Variants in SNX29 observed in about 807,000 individuals in gnomAD.
SNX29 encodes the protein sorting nexin-29.
Under a neutral mutation model 102.1 loss-of-function variants are expected in SNX29, and 78 were observed. The ratio of observed to expected loss-of-function variants is 0.76; its 90% CI spans 0.64 to 0.92. SNX29 has a LOEUF of 0.92. SNX29 is among the 40% of genes least tolerant of loss of function. SNX29 has a pLI of 0.00. For missense variants in SNX29, 1,280 were observed against 1,061.7 expected (o/e 1.21, Z -2.86); for synonymous variants, 580 against 414.5 (o/e 1.40, Z -4.85).
intron 19 of SNX29, among the ~76,000 whole-genome samples, chr16:12,511,731 T>G (rs1176001777): frequency 6.6e-6 from 1 of 151,474 alleles, no homozygotes; most frequent in Admixed American, 6.6e-5. Context: ...GGTATTCCTC[T>G]CTTGAGCTGC....
intron 15 of SNX29, among the ~76,000 whole-genome samples, chr16:12,341,502 C>A (rs554183906): frequency 6.6e-6 from 1 of 152,228 alleles, no homozygotes; most frequent in Non-Finnish European, 1.5e-5. Context: ...AACAAATGAT[C>A]CTCAATCTCG....
chr16:12,243,720 G>C (rs1424196172), intron 14 of SNX29, among the ~76,000 whole-genome samples: 1 of 152,196 alleles, frequency 6.6e-6, no homozygotes, highest in Non-Finnish European at 1.5e-5. Context: ...CTGGATTGCA[G>C]GCCTGGTTCT....
chr16:12,013,221 C>T (rs1440859313), intron 3 of SNX29, among the ~76,000 whole-genome samples: 1 of 151,542 alleles, frequency 6.6e-6, no homozygotes, highest in Non-Finnish European at 1.5e-5. Context: ...GCCAAATAGC[C>T]AGCAAACATA....
chr16:12,389,903 C>T (rs1052436578), intron 16 of SNX29, among the ~76,000 whole-genome samples: 7 of 152,178 alleles, frequency 4.6e-5, no homozygotes, highest in African/African-American at 1.7e-4. Flanking sequence ...ACCTTGTTTC[C>T]CTCATCTGAA....
chr16:12,548,527 G>A (rs563093759), intron 20 of SNX29, among the ~76,000 whole-genome samples: 7 of 152,338 alleles, frequency 4.6e-5, no homozygotes, highest in South Asian at 2.1e-4. Flanking sequence ...CTTTGAGGGT[G>A]CAGCCTTCTG....
In SNX29 at chr16:12,534,796, T is replaced by C. The variant is rs192517322; in HGVS notation, c.2318+9955T>C. 5.9e-5 allele frequency among the ~76,000 whole-genome samples: 9 copies of C among 152,254 alleles called. No individual in the cohort carries two copies. The South Asian group carries it at 8.3e-4, about 14-fold the overall frequency. ...CCCTCTGGTTTTTAACTAAGGGCAA[T>C]TTTGCCTTACTCCCCAGTTCCAGGC... On this transcript the variant is annotated intron_variant, in intron 20 of 20. Coordinates refer to ENST00000566228, the MANE Select transcript of SNX29 (RefSeq NM_032167.5).
Position 12,550,694 on chromosome 16 carries a change from C to CA in SNX29, c.2319-17811dup, listed in dbSNP as rs563919479. Among the ~76,000 whole-genome samples, 41 of 152,222 alleles carry CA rather than the reference C, an allele frequency of 2.7e-4. No individual in the cohort carries two copies. In the South Asian group the frequency reaches 4.6e-3, roughly 17 times the overall value. ...GGGAAGACTCACTTTTTCATGTATTCACCCCCCTCATGCTCTTATTCTACA... is the reference window on the plus strand; with the variant it reads ...GGGAAGACTCACTTTTTCATGTATTCAACCCCCCTCATGCTCTTATTCTACA... On this transcript the variant is annotated intron_variant, in intron 20 of 20. Coordinates refer to ENST00000566228, the MANE Select transcript of SNX29 (RefSeq NM_032167.5).
chr16:12,389,439 G>C lies in SNX29; in HGVS notation c.1900-9007G>C, dbSNP rs145450810. ...TCTGAGGGTTTTATAAGGAGTTTCC[G>C]CTTTCGCTTGGCTCTCATTCTCCTG... On this transcript the variant is annotated intron_variant, in intron 16 of 20. Coordinates refer to ENST00000566228, the MANE Select transcript of SNX29 (RefSeq NM_032167.5). Among the ~76,000 whole-genome samples the C allele has an allele frequency of 6.3e-3, 956 of 152,142 alleles. 15 individuals carry two copies. Among genetic ancestry groups the C allele is most frequent in the African/African-American group, 0.021 (892 of 41,490 alleles).
intron 18 of SNX29, among the ~76,000 whole-genome samples, chr16:12,474,990 C>G (rs1014189308): frequency 3.3e-5 from 5 of 152,252 alleles, no homozygotes; most frequent in Non-Finnish European, 7.3e-5. Context: ...CCTCAGCCTA[C>G]TCATTCCTAA....
intron 15 of SNX29, among the ~76,000 whole-genome samples, chr16:12,310,309 C>G (rs938999131): frequency 9.2e-5 from 14 of 152,212 alleles, no homozygotes; most frequent in African/African-American, 3.1e-4. Flanking sequence ...GGTTCTCATT[C>G]CCCTCCTAGG....
intron 20 of SNX29, among the ~76,000 whole-genome samples, chr16:12,566,125 C>T (rs1234386081): frequency 2.0e-5 from 3 of 152,242 alleles, no homozygotes; most frequent in African/African-American, 7.2e-5. Flanking sequence ...CTGTCCAAGG[C>T]TCAGAGGGCA....
At chr16:12,392,118 C>T (rs1321919308) in intron 16 of SNX29, among the ~76,000 whole-genome samples, 2 of 152,190 alleles carry the variant, frequency 1.3e-5, no homozygotes, top group Admixed American at 6.5e-5. Flanking sequence ...TAGTAGCTCA[C>T]CTGACACTTT....
intron 15 of SNX29, among the ~76,000 whole-genome samples, chr16:12,296,123 TTAATGG>T (rs1305219903): frequency 2.0e-5 from 3 of 152,220 alleles, no homozygotes; most frequent in African/African-American, 7.2e-5. Flanking sequence ...GCTTTTAAAG[TTAATGG>T]AAAATTCTCC....
intron 15 of SNX29, among the ~76,000 whole-genome samples, chr16:12,296,886 C>G (rs1434906759): frequency 6.6e-6 from 1 of 152,250 alleles, no homozygotes; most frequent in Non-Finnish European, 1.5e-5. Context: ...AACCCCAACA[C>G]TATTGACATT....
At chr16:12,173,557 T>C (rs186963683) in intron 13 of SNX29, among the ~76,000 whole-genome samples, 10 of 152,352 alleles carry the variant, frequency 6.6e-5, no homozygotes, top group African/African-American at 2.4e-4. Context: ...CTCCAAATTC[T>C]AGCTCTCTCT....
intron 3 of SNX29, among the ~76,000 whole-genome samples, chr16:12,024,436 G>A (rs1049753819): frequency 4.6e-5 from 7 of 152,158 alleles, no homozygotes; most frequent in African/African-American, 1.7e-4. Context: ...GTGAGCCACC[G>A]CACCCAGTCG....
chr16:12,148,129 C>T (rs1268358946), intron 13 of SNX29, among the ~76,000 whole-genome samples: 1 of 152,200 alleles, frequency 6.6e-6, no homozygotes, highest in African/African-American at 2.4e-5. Flanking sequence ...TTATTTTAAG[C>T]AGAAGAACTT....
chr16:12,373,381 C>T (rs948077486), intron 16 of SNX29, among the ~76,000 whole-genome samples: 3 of 152,222 alleles, frequency 2.0e-5, no homozygotes, highest in South Asian at 2.1e-4. Flanking sequence ...CCTCCTGCCT[C>T]GGCCTCCCAT....
intron 13 of SNX29, among the ~76,000 whole-genome samples, chr16:12,142,081 TTC>T (rs1345490142): frequency 2.0e-5 from 3 of 152,214 alleles, no homozygotes; most frequent in African/African-American, 7.2e-5. Context: ...TTCCCAAGTG[TTC>T]TCTTTTTCAA....
Sources: gnomAD v4.1 joint callset for allele counts (sites outside exome capture counted in the v4.1 genomes callset) on GRCh38, gnomAD v4.1.1 for gene constraint, MANE v1.5 for transcripts, NCBI Gene and HGNC (gene_info 2026-07-23, HGNC 2026-07-21) for gene names.